The following DLG2 variants were observed in gnomAD, a reference collection of about 807,000 sequenced individuals.
DLG2 encodes the protein discs large MAGUK scaffold protein 2, also known as disks large homolog 2.
A neutral mutation model predicts 132.5 loss-of-function variants in DLG2; 45 were observed. That is an observed-to-expected ratio of 0.34 (90% CI 0.27 to 0.44). The LOEUF (loss-of-function observed/expected upper bound fraction) is 0.44. Ranked by LOEUF, DLG2 falls within the 20% of genes least tolerant of loss-of-function variation. The pLI, the probability that DLG2 is intolerant of heterozygous loss-of-function variation, is 1.00. For missense variants in DLG2, 1,045 were observed against 1,196.9 expected, an observed-to-expected ratio of 0.87 and a Z score of 1.87; for synonymous variants, 424 against 419.6, an observed-to-expected ratio of 1.01 and a Z score of -0.13.
intron 10 of DLG2, among the ~76,000 whole-genome samples, chr11:84,085,278 T>A (rs1448224907): frequency 2.6e-5 from 4 of 152,224 alleles, no homozygotes; most frequent in African/African-American, 9.6e-5. Flanking sequence ...AACCATTTTC[T>A]TTTGTCTAGA....
In DLG2 at chr11:85,243,680, A is replaced by G. The variant is rs115184569; in HGVS notation, c.186+41540T>C. Among the ~76,000 whole-genome samples the G allele has an allele frequency of 2.3e-3, 353 of 152,110 alleles. 1 individual carries two copies. The highest frequency in any genetic ancestry group is 8.2e-3 in the African/African-American group (340 of 41,548). Reference sequence around the variant, plus strand: ...GAAAAGAGTCATATGCCAAAAACAAATAAAGAGCATATTAAAGGAAATAAG... The same window carrying G: ...GAAAAGAGTCATATGCCAAAAACAAGTAAAGAGCATATTAAAGGAAATAAG... On this transcript the variant is annotated intron_variant, in intron 4 of 27. Coordinates refer to ENST00000376104, the MANE Select transcript of DLG2 (RefSeq NM_001142699.3).
intron 6 of DLG2, among the ~76,000 whole-genome samples, chr11:85,051,055 T>C (rs1252420391): frequency 1.3e-5 from 2 of 152,176 alleles, no homozygotes; most frequent in African/African-American, 2.4e-5. Flanking sequence ...AGTCATCAAG[T>C]CTGAAGCATT....
At chr11:84,153,837 A>G (rs1324383470) in intron 9 of DLG2, among the ~76,000 whole-genome samples, 1 of 152,094 alleles carries the variant, frequency 6.6e-6, no homozygotes. Flanking sequence ...CAGCCATTAC[A>G]ATCTCATTAG....
chr11:84,013,866 CAAAAAAAAAAA>C, intron 11 of DLG2, among the ~76,000 whole-genome samples: 2 of 64,072 alleles, frequency 3.1e-5, no homozygotes, highest in Middle Eastern at 0.016. Flanking sequence ...GACTGCGTCT[CAAAAAAAAAAA>C]AAAAAAAAAA....
At chr11:83,784,685 A>G (rs1185854409) in intron 18 of DLG2, among the ~76,000 whole-genome samples, 1 of 152,138 alleles carries the variant, frequency 6.6e-6, no homozygotes, top group Non-Finnish European at 1.5e-5. Flanking sequence ...GCTCCAGTAG[A>G]AAGATGAAGA....
At chr11:83,864,093 C>G (rs2061889703) in intron 16 of DLG2, among the ~76,000 whole-genome samples, 1 of 152,114 alleles carries the variant, frequency 6.6e-6, no homozygotes, top group African/African-American at 2.4e-5. Context: ...AAAAAAATTC[C>G]CAACTCTTGA....
At chr11:83,962,777 G>T in intron 14 of DLG2, 108 bp downstream of exon 14, 1 of 1,383,920 alleles carries the variant, frequency 7.2e-7, no homozygotes, top group Non-Finnish European at 1.0e-6. Context: ...GGTTGAATGG[G>T]ACCCAGAAGC....
At chr11:84,390,108 C>T (rs569961256) in intron 7 of DLG2, among the ~76,000 whole-genome samples, 17 of 152,140 alleles carry the variant, frequency 1.1e-4, no homozygotes, top group African/African-American at 4.1e-4. Context: ...GGAATGCTTC[C>T]CTAAATGTTT....
intron 6 of DLG2, among the ~76,000 whole-genome samples, chr11:84,671,353 T>C (rs1565618701): frequency 6.6e-6 from 1 of 152,072 alleles, no homozygotes; most frequent in Non-Finnish European, 1.5e-5. Flanking sequence ...TCATCTCATC[T>C]AGGCCTACCA....
chr11:83,497,592 G>C (rs2138774172), intron 21 of DLG2, among the ~76,000 whole-genome samples: 1 of 151,404 alleles, frequency 6.6e-6, no homozygotes, highest in Non-Finnish European at 1.5e-5. Flanking sequence ...TCTTTTTATT[G>C]CATTTCTCTG....
chr11:84,637,302 C>G (rs1247385254), intron 6 of DLG2, among the ~76,000 whole-genome samples: 1 of 152,184 alleles, frequency 6.6e-6, no homozygotes, highest in Non-Finnish European at 1.5e-5. Flanking sequence ...TGTGATCACT[C>G]TTTTCTGTGA....
At chr11:84,969,638 T>C (rs1454060793) in intron 6 of DLG2, among the ~76,000 whole-genome samples, 1 of 152,188 alleles carries the variant, frequency 6.6e-6, no homozygotes, top group Non-Finnish European at 1.5e-5. Flanking sequence ...AAATAAGTTG[T>C]CTCTAGAGGA....
chr11:84,031,865 C>T (rs751557095), intron 11 of DLG2, among the ~76,000 whole-genome samples: 2 of 152,100 alleles, frequency 1.3e-5, no homozygotes, highest in Admixed American at 1.3e-4. Flanking sequence ...CACTTCACGT[C>T]GTGTGTCACA....
chr11:85,316,821 C>T (rs1224371394), intron 3 of DLG2, among the ~76,000 whole-genome samples: 1 of 151,888 alleles, frequency 6.6e-6, no homozygotes, highest in East Asian at 1.9e-4. Flanking sequence ...GTCCCAGGGA[C>T]TAGGCAAGGC....
intron 18 of DLG2, among the ~76,000 whole-genome samples, chr11:83,743,877 G>A (rs1240829009): frequency 6.6e-6 from 1 of 152,164 alleles, no homozygotes; most frequent in Non-Finnish European, 1.5e-5. Flanking sequence ...AATAAAGGTT[G>A]GCTATATTTA....
At chr11:84,109,289 A>C (rs2093189364) in intron 9 of DLG2, among the ~76,000 whole-genome samples, 1 of 152,104 alleles carries the variant, frequency 6.6e-6, no homozygotes, top group Non-Finnish European at 1.5e-5. Flanking sequence ...GGTCCCCACA[A>C]CTGTAAGGGT....
chr11:85,399,400 T>A (rs1470977751), intron 3 of DLG2, among the ~76,000 whole-genome samples: 1 of 152,140 alleles, frequency 6.6e-6, no homozygotes, highest in Non-Finnish European at 1.5e-5. Flanking sequence ...AAGCTACCAA[T>A]GACTTTCTTC....
chr11:84,682,255 G>C (rs777738167), intron 6 of DLG2, among the ~76,000 whole-genome samples: 2 of 152,186 alleles, frequency 1.3e-5, no homozygotes, highest in Non-Finnish European at 2.9e-5. Flanking sequence ...CATAGTCACT[G>C]TCTGGCTATG....
At chr11:83,995,882 C>T (rs1171702893) in intron 11 of DLG2, among the ~76,000 whole-genome samples, 2 of 152,240 alleles carry the variant, frequency 1.3e-5, no homozygotes, top group East Asian at 1.9e-4. Flanking sequence ...TCTAAGAAAA[C>T]ATTGGGGAAG....
Sources: gnomAD v4.1 joint callset for allele counts (sites outside exome capture counted in the v4.1 genomes callset) on GRCh38, gnomAD v4.1.1 for gene constraint, MANE v1.5 for transcripts, NCBI Gene and HGNC (gene_info 2026-07-23, HGNC 2026-07-21) for gene names.